FARP2: variants seen among roughly 807,000 people sequenced by gnomAD.
FARP2 encodes FERM, ARHGEF and pleckstrin domain-containing protein 2.
Under a neutral mutation model 130.5 loss-of-function variants are expected in FARP2, and 111 were observed. The observed-to-expected ratio is 0.85, with a 90% CI of 0.73 to 1.00. The LOEUF (loss-of-function observed/expected upper bound fraction) is 1.00, where lower values mean the gene tolerates loss of function less well. Among genes scored for constraint, FARP2 ranks in the 50% least tolerant of loss-of-function variants. The pLI, the probability that FARP2 is intolerant of heterozygous loss-of-function variation, is 0.00. For synonymous variants in FARP2, 504 were observed against 516.9 expected (o/e 0.98, Z 0.34); for missense variants, 1,385 against 1,346.3 (o/e 1.03, Z -0.45).
intron 1 of FARP2, among the ~76,000 whole-genome samples, chr2:241,361,440 T>G (rs2061183981): frequency 6.6e-6 from 1 of 152,156 alleles, no homozygotes; most frequent in Non-Finnish European, 1.5e-5. Context: ...TAATGTACCC[T>G]TACGTGGATC....
Position 241,434,175 on chromosome 2 carries a change from A to G in FARP2, c.885A>G (p.Thr295=). ...HPEVHGPYQD[T]LEFLLGSRDE... ...GTTTCTAGGGACCTTACCAGGACAC[A>G]TTAGAATTTTTGTTGGGTAGTAGAG... Residue 295 remains threonine, a synonymous_variant, in exon 10 of 27, where the codon ACA becomes ACG. Transcript: ENST00000264042. 3 of 1,611,228 alleles carry G rather than the reference A, an allele frequency of 1.9e-6. No individual in the cohort carries two copies. The highest frequency in any genetic ancestry group is 1.7e-5 in the Admixed American group (1 of 59,480).
intron 1 of FARP2, among the ~76,000 whole-genome samples, chr2:241,366,100 AAAAAATATATATATATATATACGTAT>A (rs1440321320): frequency 1.1e-4 from 1 of 9,238 alleles, no homozygotes; most frequent in Admixed American, 2.1e-3. Context: ...ACTAAAAAAA[AAAAAATATATATATATATATACGTAT>A]ATATATATAT....
chr2:241,412,528 C>T (rs1001849908), intron 6 of FARP2, among the ~76,000 whole-genome samples: 1 of 152,094 alleles, frequency 6.6e-6, no homozygotes, highest in African/African-American at 2.4e-5. Context: ...AAAATAAAAG[C>T]ATATTGCTTT....
chr2:241,438,008 C>T (rs1477693514), intron 12 of FARP2, among the ~76,000 whole-genome samples: 2 of 152,020 alleles, frequency 1.3e-5, no homozygotes, highest in East Asian at 3.9e-4. Context: ...ATGGTTTCAC[C>T]ATGTTGGCCA....
chr2:241,409,760 AG>A (rs761607196), intron 5 of FARP2, among the ~76,000 whole-genome samples: 13 of 152,338 alleles, frequency 8.5e-5, no homozygotes, highest in Non-Finnish European at 1.6e-4. Context: ...CCACTTATTA[AG>A]CATGCTGTGG....
intron 1 of FARP2, among the ~76,000 whole-genome samples, chr2:241,361,682 A>C (rs569179980): frequency 6.6e-6 from 1 of 152,162 alleles, no homozygotes; most frequent in African/African-American, 2.4e-5. Context: ...GACTAGCTCT[A>C]TAGTCAAACT....
At chr2:241,491,316 G>C in intron 23 of FARP2, 137 bp downstream of exon 23, 1 of 850,888 alleles carries the variant, frequency 1.2e-6, no homozygotes, top group Admixed American at 2.1e-5. Context: ...TCCAGGCTAC[G>C]CCTCATGCCT....
chr2:241,423,074 C>T (rs974709536), intron 8 of FARP2, among the ~76,000 whole-genome samples: 24 of 152,136 alleles, frequency 1.6e-4, no homozygotes, highest in East Asian at 5.8e-4. Flanking sequence ...CCCAACCTAA[C>T]GAGACAGGCT....
chr2:241,468,102 T>C, intron 17 of FARP2, 38 bp from the exon 18 acceptor site: 1 of 1,362,126 alleles, frequency 7.3e-7, no homozygotes, highest in Non-Finnish European at 1.1e-6. Context: ...GACTCCTACA[T>C]CTCCTCACCT....
intron 2 of FARP2, among the ~76,000 whole-genome samples, chr2:241,400,710 G>C (rs2062145099): frequency 1.3e-5 from 2 of 152,150 alleles, no homozygotes; most frequent in Admixed American, 6.5e-5. Flanking sequence ...TGAGGGACTT[G>C]GTTGTATGTA....
intron 2 of FARP2, among the ~76,000 whole-genome samples, chr2:241,377,533 G>C (rs1447417911): frequency 6.6e-6 from 1 of 152,030 alleles, no homozygotes; most frequent in Non-Finnish European, 1.5e-5. Flanking sequence ...AGTAGAGACG[G>C]GGTTTCACCT....
intron 13 of FARP2, chr2:241,441,924 G>A: frequency 2.7e-6 from 1 of 375,276 alleles, no homozygotes; most frequent in Non-Finnish European, 5.1e-6. Context: ...AGCCTCTGGT[G>A]GCCCCTCCTT....
chr2:241,461,046 T>C (rs2064003187), intron 14 of FARP2, among the ~76,000 whole-genome samples: 1 of 152,210 alleles, frequency 6.6e-6, no homozygotes, highest in South Asian at 2.1e-4. Context: ...CAGGCTCTGC[T>C]AAACTTCACA....
At chr2:241,449,692 C>T (rs933908196) in intron 13 of FARP2, among the ~76,000 whole-genome samples, 13 of 151,852 alleles carry the variant, frequency 8.6e-5, no homozygotes, top group Non-Finnish European at 1.8e-4. Context: ...AGTAAAGAGA[C>T]TGCCACAAAG....
At chr2:241,426,853 A>G (rs2062951373) in intron 8 of FARP2, among the ~76,000 whole-genome samples, 1 of 152,194 alleles carries the variant, frequency 6.6e-6, no homozygotes, top group East Asian at 1.9e-4. Context: ...TTGTCCTTGG[A>G]TTTTCTATTT....
At chr2:241,411,891 C>T (rs1177271901) in intron 6 of FARP2, among the ~76,000 whole-genome samples, 4 of 152,192 alleles carry the variant, frequency 2.6e-5, no homozygotes, top group Non-Finnish European at 4.4e-5. Context: ...GTTTGCTATC[C>T]TCCACCAGGG....
At chr2:241,398,626 G>A (rs1016191526) in intron 2 of FARP2, among the ~76,000 whole-genome samples, 17 of 150,824 alleles carry the variant, frequency 1.1e-4, no homozygotes, top group African/African-American at 3.4e-4. Flanking sequence ...CTGGAGTGCA[G>A]TGGTGCAATC....
At chr2:241,449,025 T>C (rs2063580168) in intron 13 of FARP2, among the ~76,000 whole-genome samples, 1 of 152,256 alleles carries the variant, frequency 6.6e-6, no homozygotes, top group Non-Finnish European at 1.5e-5. Flanking sequence ...GCTTGTATTC[T>C]TTGAGCCAGA....
In FARP2 at chr2:241,407,425, T is replaced by G; in HGVS notation, c.332-112T>G. ...CTTAATATCATATTATTTGAAAAGATTTGCTGTAACAGTCCACTTGGAAGC... is the reference window on the plus strand; with the variant it reads ...CTTAATATCATATTATTTGAAAAGAGTTGCTGTAACAGTCCACTTGGAAGC... On this transcript the variant is annotated intron_variant, in intron 4 of 26. Transcript: ENST00000264042. The G allele has an allele frequency of 8.8e-6, 7 of 793,608 alleles. No homozygotes were observed. The East Asian group carries it at 1.5e-4, about 17-fold the overall frequency. The allele number at this position is 793,608 out of a possible 1,614,324, so 49.2% of individuals were successfully genotyped here. A position where few individuals can be genotyped will look rare whatever the true frequency, so the allele number is the denominator to read the frequency against.
Sources: allele counts gnomAD v4.1 joint callset (sites outside exome capture counted in the v4.1 genomes callset), GRCh38; gene constraint gnomAD v4.1.1; transcripts MANE v1.5; gene names NCBI Gene and HGNC (gene_info 2026-07-23, HGNC 2026-07-21).